Variants in CHCHD6 observed in about 807,000 individuals in gnomAD.
The protein encoded by CHCHD6 is MICOS complex subunit MIC25.
A neutral mutation model predicts 32.3 loss-of-function variants in CHCHD6; 28 were observed. That is an observed-to-expected ratio of 0.87 (90% CI 0.64 to 1.19). The LOEUF is 1.19. CHCHD6 is among the 50% of genes most tolerant of loss of function. The pLI is 0.00. For missense variants in CHCHD6, 333 were observed against 307.0 expected (o/e 1.08, Z -0.63); for synonymous variants, 122 against 117.5 (o/e 1.04, Z -0.25).
intron 4 of CHCHD6, among the ~76,000 whole-genome samples, chr3:126,773,243 G>A (rs2107677827): frequency 6.6e-6 from 1 of 152,276 alleles, no homozygotes; most frequent in South Asian, 2.1e-4. Flanking sequence ...TTTTCTCCCT[G>A]CAGTATTTTC....
chr3:126,800,212 T>C (rs1938998729), intron 4 of CHCHD6, among the ~76,000 whole-genome samples: 2 of 152,216 alleles, frequency 1.3e-5, no homozygotes, highest in Non-Finnish European at 1.5e-5. Context: ...ATTGTAAGGA[T>C]GTGAGACTTG....
At chr3:126,785,997 GC>G (rs1553735587) in intron 4 of CHCHD6, among the ~76,000 whole-genome samples, 1 of 151,992 alleles carries the variant, frequency 6.6e-6, no homozygotes, top group Non-Finnish European at 1.5e-5. Flanking sequence ...CCCACAACAG[GC>G]CCCAGTGTGT....
At chr3:126,719,504 G>GGGATGTTGTGTATGATA (rs936128699) in intron 1 of CHCHD6, among the ~76,000 whole-genome samples, 53 of 152,304 alleles carry the variant, frequency 3.5e-4, no homozygotes, top group African/African-American at 1.1e-3. Context: ...TTCTGAAGTG[G>GGGATGTTGTGTATGATA]GGATGTTGTG....
intron 4 of CHCHD6, among the ~76,000 whole-genome samples, chr3:126,759,931 G>T (rs1937100524): frequency 6.6e-6 from 1 of 152,184 alleles, no homozygotes. Context: ...AGAGGCCTCA[G>T]GGAGCTTTTA....
intron 4 of CHCHD6, among the ~76,000 whole-genome samples, chr3:126,735,190 A>G (rs1024176399): frequency 1.3e-5 from 2 of 152,114 alleles, no homozygotes; most frequent in African/African-American, 4.8e-5. Flanking sequence ...GAAGATTACA[A>G]CCTACAGGTC....
intron 4 of CHCHD6, among the ~76,000 whole-genome samples, chr3:126,814,082 T>G (rs1378067864): frequency 6.6e-6 from 1 of 152,206 alleles, no homozygotes; most frequent in Non-Finnish European, 1.5e-5. Context: ...CTTTCTTTGA[T>G]TTTCTATTTC....
intron 4 of CHCHD6, among the ~76,000 whole-genome samples, chr3:126,744,312 T>C (rs1936403895): frequency 1.3e-5 from 2 of 152,274 alleles, no homozygotes; most frequent in Admixed American, 1.3e-4. Context: ...TGTTTTCAAT[T>C]TGTCAAGCCG....
At chr3:126,768,421 A>C (rs930445332) in intron 4 of CHCHD6, among the ~76,000 whole-genome samples, 1 of 152,098 alleles carries the variant, frequency 6.6e-6, no homozygotes, top group Non-Finnish European at 1.5e-5. Flanking sequence ...CTTCTTGTGT[A>C]CCTTTTCATC....
intron 5 of CHCHD6, among the ~76,000 whole-genome samples, chr3:126,868,647 G>A (rs1389649092): frequency 2.6e-5 from 4 of 152,040 alleles, no homozygotes; most frequent in Non-Finnish European, 5.9e-5. Flanking sequence ...TATAATATTT[G>A]CAAAAATGGA....
At chr3:126,748,289 G>A (rs369170930) in intron 4 of CHCHD6, among the ~76,000 whole-genome samples, 2 of 152,074 alleles carry the variant, frequency 1.3e-5, no homozygotes, top group African/African-American at 4.8e-5. Context: ...ACAATTTGGC[G>A]TGATCTCAGA....
At chr3:126,896,037 A>G (rs1182767365) in intron 5 of CHCHD6, among the ~76,000 whole-genome samples, 1 of 152,220 alleles carries the variant, frequency 6.6e-6, no homozygotes, top group East Asian at 1.9e-4. Context: ...AGGGTTGCCT[A>G]TTCATTTGCC....
At chr3:126,805,334 A>G (rs919940137) in intron 4 of CHCHD6, among the ~76,000 whole-genome samples, 8 of 152,216 alleles carry the variant, frequency 5.3e-5, no homozygotes, top group Non-Finnish European at 1.2e-4. Flanking sequence ...CCTTAAGCTG[A>G]TAAGCAACTT....
At position 126,765,061 on chromosome 3, in the gene CHCHD6, A is replaced by C. The variant is rs375484251; in HGVS notation, c.411+31839A>C. Among the ~76,000 whole-genome samples, 2 of 152,302 alleles carry C rather than the reference A, an allele frequency of 1.3e-5. 1 individual carries two copies. The highest frequency in any genetic ancestry group is 3.9e-4 in the East Asian group (2 of 5,180). On this transcript the variant is annotated intron_variant, in intron 4 of 7. Transcript: ENST00000290913. ...GGGGTGGAAAATAGAGAAAAAAGCA[A>C]CAACAACTAGATCATTTTTGGCATT... is the stretch of plus-strand genomic sequence containing the variant.
chr3:126,914,810 G>GT (rs2078146453), intron 6 of CHCHD6, 60 bp downstream of exon 6: 1 of 988,600 alleles, frequency 1.0e-6, no homozygotes, highest in East Asian at 2.4e-5. Context: ...ATTCCCACAT[G>GT]TGGCTTGAAA....
intron 4 of CHCHD6, among the ~76,000 whole-genome samples, chr3:126,771,083 C>T (rs1158825220): frequency 6.6e-6 from 1 of 151,992 alleles, no homozygotes; most frequent in Non-Finnish European, 1.5e-5. Flanking sequence ...GGAATTTATC[C>T]ACTTCTTCTA....
intron 5 of CHCHD6, among the ~76,000 whole-genome samples, chr3:126,854,393 A>C (rs1165733459): frequency 6.6e-6 from 1 of 152,146 alleles, no homozygotes; most frequent in Admixed American, 6.5e-5. Context: ...CATCTCAGGA[A>C]ATGGAGATTG....
At chr3:126,782,220 A>G (rs915903319) in intron 4 of CHCHD6, among the ~76,000 whole-genome samples, 1 of 152,226 alleles carries the variant, frequency 6.6e-6, no homozygotes, top group Admixed American at 6.5e-5. Flanking sequence ...CTCGATTTAC[A>G]TAGTGAGTAA....
At chr3:126,889,877 G>A (rs1430548186) in intron 5 of CHCHD6, among the ~76,000 whole-genome samples, 1 of 152,248 alleles carries the variant, frequency 6.6e-6, no homozygotes, top group Non-Finnish European at 1.5e-5. Context: ...GTTCCAGCAG[G>A]GAGATGTGAG....
chr3:126,878,569 CAT>C (rs2077568973), intron 5 of CHCHD6, among the ~76,000 whole-genome samples: 2 of 152,320 alleles, frequency 1.3e-5, no homozygotes, highest in African/African-American at 2.4e-5. Context: ...TGATATAAAA[CAT>C]ATGGAAGTAT....
Sources: gnomAD v4.1 joint callset for allele counts (sites outside exome capture counted in the v4.1 genomes callset) on GRCh38, gnomAD v4.1.1 for gene constraint, MANE v1.5 for transcripts, NCBI Gene and HGNC (gene_info 2026-07-23, HGNC 2026-07-21) for gene names.